Variants in NOX4 observed in about 807,000 individuals in gnomAD.
The protein encoded by NOX4 is NADPH oxidase 4.
NOX4 carries 69 observed loss-of-function variants against 87.6 expected under a neutral mutation model. The ratio of observed to expected loss-of-function variants is 0.79; its 90% CI spans 0.65 to 0.96. The LOEUF is 0.96. Among genes scored for constraint, NOX4 ranks in the 40% least tolerant of loss-of-function variants. The probability of loss-of-function intolerance (pLI) is 0.00; values close to 1 mark genes in which losing one functional copy is unlikely to be tolerated. For missense variants in NOX4, 680 were observed against 681.5 expected, an observed-to-expected ratio of 1.00 and a Z score of 0.02; for synonymous variants, 275 against 238.2, an observed-to-expected ratio of 1.15 and a Z score of -1.42.
At chr11:89,456,390 A>C (rs993717148) in intron 2 of NOX4, among the ~76,000 whole-genome samples, 1 of 152,158 alleles carries the variant, frequency 6.6e-6, no homozygotes, top group African/African-American at 2.4e-5. Flanking sequence ...TTTAGTCTGA[A>C]AAGAAAGTAG....
intron 11 of NOX4, among the ~76,000 whole-genome samples, chr11:89,387,440 C>T (rs1940794558): frequency 6.6e-6 from 1 of 152,056 alleles, no homozygotes; most frequent in African/African-American, 2.4e-5. Context: ...ATGGCCCCAT[C>T]CCTGTCTCCC....
At chr11:89,487,796 A>G (rs1206607960) in intron 2 of NOX4, among the ~76,000 whole-genome samples, 1 of 152,136 alleles carries the variant, frequency 6.6e-6, no homozygotes, top group Non-Finnish European at 1.5e-5. Flanking sequence ...AATTAATTCT[A>G]TCTCTTTGTT....
chr11:89,516,992 C>G, the NOX4 span, among the ~76,000 whole-genome samples: 1 of 112,864 alleles, frequency 8.9e-6, no homozygotes, highest in Non-Finnish European at 1.8e-5. Context: ...CCTCCTCCTC[C>G]TCCTGCTCTT....
At chr11:89,340,246 G>C (rs16913141) in intron 14 of NOX4, 75 bp from the exon 15 acceptor site, 79,799 of 1,024,046 alleles carry the variant, frequency 0.078, 3,687 homozygotes, top group Admixed American at 0.16. Context: ...ATTTTTTAAA[G>C]TTTCCTTTTC....
chr11:89,359,770 A>G (rs1353651717), intron 12 of NOX4, among the ~76,000 whole-genome samples: 3 of 151,988 alleles, frequency 2.0e-5, no homozygotes, highest in Non-Finnish European at 4.4e-5. Flanking sequence ...CTCTATAAAA[A>G]TGAATATTTT....
chr11:89,326,770 C>T lies in NOX4; in HGVS notation c.1723G>A (p.Glu575Lys). Residue 575 changes from glutamate (E) to lysine (K), a missense_variant, in exon 18 of 18, where the codon GAG (glutamate) becomes AAG (lysine). Coordinates refer to ENST00000263317, the MANE Select transcript of NOX4 (RefSeq NM_016931.5). ...SYGTRFEYNKESFS is the reference protein window; with the variant it reads ...SYGTRFEYNKKSFS ...GGCAAAAGTTTTCAGCTGAAAGACT[C>T]TTTATTGTATTCAAATCTTGTCCCA... 3 of 1,613,110 alleles carry T rather than the reference C, an allele frequency of 1.9e-6. No individual in the cohort carries two copies. Among genetic ancestry groups the T allele is most frequent in the South Asian group, 1.1e-5 (1 of 91,008 alleles).
At chr11:89,425,560 T>A (rs183091472) in intron 7 of NOX4, among the ~76,000 whole-genome samples, 20 of 152,100 alleles carry the variant, frequency 1.3e-4, no homozygotes, top group Admixed American at 1.0e-3. Context: ...ATGTTCATAA[T>A]ATAAATTTAG....
the NOX4 span, among the ~76,000 whole-genome samples, chr11:89,537,484 C>A: frequency 6.6e-5 from 10 of 151,192 alleles, no homozygotes; most frequent in South Asian, 2.1e-4. Context: ...TTGTAAACAC[C>A]CTTTTATATA....
chr11:89,419,476 A>T (rs2135255553), intron 8 of NOX4, among the ~76,000 whole-genome samples: 1 of 152,076 alleles, frequency 6.6e-6, no homozygotes, highest in East Asian at 1.9e-4. Context: ...AACATTTCTC[A>T]TACCAGAAGC....
the NOX4 span, among the ~76,000 whole-genome samples, chr11:89,587,536 A>T: frequency 2.9e-3 from 439 of 152,236 alleles, 2 homozygotes; most frequent in African/African-American, 9.6e-3. Flanking sequence ...ACCAGGGCAT[A>T]GAGGTGCCCA....
At chr11:89,450,258 G>C (rs1451682129) in intron 3 of NOX4, among the ~76,000 whole-genome samples, 1 of 152,130 alleles carries the variant, frequency 6.6e-6, no homozygotes, top group Non-Finnish European at 1.5e-5. Context: ...TGCATTAAAA[G>C]GAAAGAGTTT....
the NOX4 span, among the ~76,000 whole-genome samples, chr11:89,564,799 A>T: frequency 6.6e-6 from 1 of 150,856 alleles, no homozygotes; most frequent in African/African-American, 2.4e-5. Flanking sequence ...TAGTGGGCTC[A>T]TTCTTCCCTT....
intron 8 of NOX4, among the ~76,000 whole-genome samples, chr11:89,414,536 C>T (rs1199203443): frequency 6.6e-6 from 1 of 150,786 alleles, no homozygotes; most frequent in Non-Finnish European, 1.5e-5. Flanking sequence ...TTTTTATCTG[C>T]TCCAGTCTAA....
At chr11:89,515,743 G>A in the NOX4 span, among the ~76,000 whole-genome samples, 1 of 151,836 alleles carries the variant, frequency 6.6e-6, no homozygotes, top group Non-Finnish European at 1.5e-5. Context: ...GGCATGGGAC[G>A]ATTAATAGAT....
the NOX4 span, among the ~76,000 whole-genome samples, chr11:89,563,936 G>T: frequency 1.3e-5 from 2 of 152,090 alleles, no homozygotes; most frequent in Non-Finnish European, 2.9e-5. Context: ...TCAATTTTCA[G>T]CTTTTATTCC....
the NOX4 span, among the ~76,000 whole-genome samples, chr11:89,589,044 G>C: frequency 6.6e-6 from 1 of 152,242 alleles, no homozygotes; most frequent in African/African-American, 2.4e-5. Flanking sequence ...ATTAGCCTAA[G>C]TTTGTACCTG....
the NOX4 span, among the ~76,000 whole-genome samples, chr11:89,529,920 G>A: frequency 6.6e-6 from 1 of 152,184 alleles, no homozygotes; most frequent in African/African-American, 2.4e-5. Flanking sequence ...ACTCAATTTT[G>A]AAGTTATTGC....
intron 2 of NOX4, chr11:89,488,790 G>T: frequency 4.0e-6 from 2 of 497,864 alleles, no homozygotes; most frequent in East Asian, 6.2e-5. Context: ...TATTCATTAA[G>T]TTACACCTAA....
the NOX4 span, among the ~76,000 whole-genome samples, chr11:89,530,344 C>CTT: frequency 0.35 from 44,732 of 127,614 alleles, 8,200 homozygotes; most frequent in Non-Finnish European, 0.38. Context: ...GATGTCTATT[C>CTT]TTTTTTTTTT....
Sources: allele counts gnomAD v4.1 joint callset (sites outside exome capture counted in the v4.1 genomes callset), GRCh38; gene constraint gnomAD v4.1.1; transcripts MANE v1.5; gene names NCBI Gene and HGNC (gene_info 2026-07-23, HGNC 2026-07-21).